The following GARIN2 variants were observed in gnomAD, a reference collection of about 807,000 sequenced individuals.
GARIN2 encodes Golgi-associated RAB2 interactor protein 2.
chr14:67,225,955 GTGTGTGTGCGCGCGCGCGCGTGCGCA>G, the GARIN2 span, among the ~76,000 whole-genome samples: 1 of 137,002 alleles, frequency 7.3e-6, no homozygotes, highest in Non-Finnish European at 1.5e-5. Context: ...GTGTGTGTGT[GTGTGTGTGCGCGCGCGCGCGTGCGCA>G]TGCGCGTGCA....
the GARIN2 span, among the ~76,000 whole-genome samples, chr14:67,190,506 A>G: frequency 1.3e-5 from 2 of 152,220 alleles, no homozygotes; most frequent in African/African-American, 4.8e-5. Flanking sequence ...TACAGGCGTG[A>G]GCCGTTGTGC....
chr14:67,206,842 T>A, the GARIN2 span, among the ~76,000 whole-genome samples: 2 of 151,988 alleles, frequency 1.3e-5, no homozygotes, highest in Non-Finnish European at 2.9e-5. Context: ...GCGATTCTTA[T>A]GCCTCAGCTT....
At chr14:67,195,095 G>C in the GARIN2 span, among the ~76,000 whole-genome samples, 2 of 152,076 alleles carry the variant, frequency 1.3e-5, no homozygotes, top group Non-Finnish European at 2.9e-5. Flanking sequence ...ACAAAACCAG[G>C]CAAAATTTAG....
chr14:67,200,855 G>A, the GARIN2 span, among the ~76,000 whole-genome samples: 1 of 152,142 alleles, frequency 6.6e-6, no homozygotes, highest in African/African-American at 2.4e-5. Context: ...GTCCAACATT[G>A]GGGGTAGTTA....
the GARIN2 span, chr14:67,204,713 C>A: frequency 1.2e-6 from 2 of 1,613,912 alleles, no homozygotes; most frequent in Non-Finnish European, 1.7e-6. Flanking sequence ...CAGGAGAAAG[C>A]CAAAGTTTCC....
chr14:67,208,529 T>C, the GARIN2 span: 1 of 1,412,470 alleles, frequency 7.1e-7, no homozygotes. Context: ...GTCTCTTAAC[T>C]CAGGCATCTG....
At chr14:67,208,031 G>A in the GARIN2 span, 40 of 503,202 alleles carry the variant, frequency 7.9e-5, 1 homozygote, top group Non-Finnish European at 9.2e-5. Flanking sequence ...CAACACACCC[G>A]GGGCTCTCCC....
chr14:67,220,444 GAA>G, the GARIN2 span, among the ~76,000 whole-genome samples: 4 of 137,558 alleles, frequency 2.9e-5, no homozygotes, highest in Admixed American at 7.3e-5. Flanking sequence ...CTTTTCTCAG[GAA>G]AAAAAAAAAA....
At chr14:67,202,041 CAG>C in the GARIN2 span, among the ~76,000 whole-genome samples, 1 of 152,198 alleles carries the variant, frequency 6.6e-6, no homozygotes, top group Admixed American at 6.5e-5. Context: ...GTCTCTTCCT[CAG>C]GGGAGACTTC....
At chr14:67,214,388 A>G in the GARIN2 span, among the ~76,000 whole-genome samples, 454 of 152,322 alleles carry the variant, frequency 3.0e-3, 1 homozygote, top group Non-Finnish European at 5.3e-3. Flanking sequence ...ACATATGGCT[A>G]GCCAGTTTTC....
At chr14:67,189,990 G>C in the GARIN2 span, among the ~76,000 whole-genome samples, 1 of 148,956 alleles carries the variant, frequency 6.7e-6, no homozygotes, top group African/African-American at 2.5e-5. Flanking sequence ...ACAAGTGTGT[G>C]CCATCACGCC....
At chr14:67,193,316 A>ATATC in the GARIN2 span, among the ~76,000 whole-genome samples, 1 of 128,872 alleles carries the variant, frequency 7.8e-6, no homozygotes, top group Admixed American at 8.1e-5. Context: ...CTCTATATAG[A>ATATC]TATCTATATA....
At chr14:67,198,156 A>G in the GARIN2 span, 1 of 1,608,770 alleles carries the variant, frequency 6.2e-7, no homozygotes, top group Non-Finnish European at 8.5e-7. Context: ...TTTATGTGCA[A>G]GCGCAATGAA....
chr14:67,205,213 C>T, the GARIN2 span: 2 of 962,270 alleles, frequency 2.1e-6, no homozygotes, highest in South Asian at 3.7e-5. Flanking sequence ...CTCCGAGAAA[C>T]CTAATTTTAA....
the GARIN2 span, among the ~76,000 whole-genome samples, chr14:67,198,483 A>T: frequency 6.6e-6 from 1 of 152,248 alleles, no homozygotes; most frequent in African/African-American, 2.4e-5. Flanking sequence ...AAATAATTAC[A>T]ATGTTAAAGG....
the GARIN2 span, chr14:67,224,031 C>A: frequency 4.2e-6 from 4 of 957,670 alleles, no homozygotes; most frequent in Non-Finnish European, 5.0e-6. Flanking sequence ...CATTATTAAG[C>A]TCATCTGATT....
chr14:67,214,045 A>T, the GARIN2 span, among the ~76,000 whole-genome samples: 1 of 151,992 alleles, frequency 6.6e-6, no homozygotes, highest in Non-Finnish European at 1.5e-5. Flanking sequence ...GTTTGAGTTC[A>T]TTGTAGATTC....
the GARIN2 span, chr14:67,208,090 G>A: frequency 6.9e-7 from 1 of 1,458,462 alleles, no homozygotes; most frequent in East Asian, 2.3e-5. Context: ...ACTCCTCACG[G>A]GTGCTCAGTG....
the GARIN2 span, chr14:67,204,951 G>A: frequency 8.7e-5 from 140 of 1,607,310 alleles, no homozygotes; most frequent in East Asian, 1.9e-3. Flanking sequence ...CAGAGGTCCC[G>A]GATGTAAGAA....
Sources: allele counts gnomAD v4.1 joint callset (sites outside exome capture counted in the v4.1 genomes callset), GRCh38; gene constraint gnomAD v4.1.1; transcripts MANE v1.5; gene names NCBI Gene and HGNC (gene_info 2026-07-23, HGNC 2026-07-21).